Variants in PDE3A observed in about 807,000 individuals in gnomAD.
PDE3A encodes phosphodiesterase 3A, also known as cGMP-inhibited 3',5'-cyclic phosphodiesterase 3A.
In PDE3A, 43 loss-of-function variants were observed where a neutral mutation model predicts 98.3. The observed-to-expected ratio is 0.44, with a 90% CI of 0.34 to 0.56. The LOEUF is 0.56. Ranked by LOEUF, PDE3A falls within the 20% of genes least tolerant of loss-of-function variation. The probability of loss-of-function intolerance (pLI) is 0.01; values close to 1 mark genes in which losing one functional copy is unlikely to be tolerated. For synonymous variants in PDE3A, 663 were observed against 567.9 expected, an observed-to-expected ratio of 1.17 and a Z score of -2.38; for missense variants, 1,427 against 1,440.7, an observed-to-expected ratio of 0.99 and a Z score of 0.15.
chr12:20,612,249 T>TTATATA lies in PDE3A; in HGVS notation c.1012-1186_1012-1181dup, dbSNP rs10640777. ...TTAATTATAGTGGACATAAGTGGCT[T>TTATATA]TATATATATATATTGGTTATTTACA... is the stretch of plus-strand genomic sequence containing the variant. On this transcript the variant is annotated intron_variant, in intron 2 of 15. Transcript: ENST00000359062. Among the ~76,000 whole-genome samples the TTATATA allele has an allele frequency of 1.1e-4, 17 of 150,038 alleles. No individual in the cohort carries two copies. In the East Asian group the frequency reaches 2.2e-3, roughly 19 times the overall value.
chr12:20,550,796 C>A (rs1010837955), intron 1 of PDE3A, among the ~76,000 whole-genome samples: 5 of 151,868 alleles, frequency 3.3e-5, no homozygotes, highest in African/African-American at 1.2e-4. Context: ...GTGAACATTT[C>A]ACATGTTCTT....
chr12:20,546,185 A>G (rs997685544), intron 1 of PDE3A, among the ~76,000 whole-genome samples: 3 of 152,038 alleles, frequency 2.0e-5, no homozygotes, highest in Non-Finnish European at 4.4e-5. Context: ...AGGTCTTTCT[A>G]GATCCCAAAT....
chr12:20,496,166 C>G (rs564482076), intron 1 of PDE3A, among the ~76,000 whole-genome samples: 5 of 152,264 alleles, frequency 3.3e-5, no homozygotes, highest in African/African-American at 7.2e-5. Context: ...TGCACACTAT[C>G]TGTCTCATCA....
intron 1 of PDE3A, among the ~76,000 whole-genome samples, chr12:20,457,267 T>C (rs1176333982): frequency 6.6e-6 from 1 of 151,238 alleles, no homozygotes; most frequent in Non-Finnish European, 1.5e-5. Context: ...TATATTATTC[T>C]ATTCTAAATT....
chr12:20,389,712 A>C (rs1457017278), intron 1 of PDE3A, among the ~76,000 whole-genome samples: 1 of 151,944 alleles, frequency 6.6e-6, no homozygotes, highest in Admixed American at 6.6e-5. Context: ...CCAAGGGATA[A>C]ATACTTTGAA....
intron 1 of PDE3A, among the ~76,000 whole-genome samples, chr12:20,447,858 G>C (rs577598019): frequency 1.6e-4 from 24 of 152,282 alleles, no homozygotes; most frequent in African/African-American, 5.3e-4. Context: ...CATCTGAAGA[G>C]GGGGGCAGTC....
rs3058564 is a variant in PDE3A at position 20,384,184 on chromosome 12, A to ATTT, written c.960+13954_960+13956dup. On this transcript the variant is annotated intron_variant, in intron 1 of 15. Transcript: ENST00000359062. The stretch of plus-strand genomic sequence containing the variant: ...TTTAAAAATATCTGATTGGGTTGAC[A>ATTT]TTTTTTTTTTTTTTTTCTCTAATTT... 2.2e-5 allele frequency among the ~76,000 whole-genome samples: 3 copies of ATTT among 137,866 alleles called. No individual in the cohort carries two copies. The East Asian group carries it at 6.5e-4, about 30-fold the overall frequency. 90.4% of individuals were successfully genotyped at this position (137,866 alleles called of 152,430 possible). A position where few individuals can be genotyped will look rare whatever the true frequency, so the allele number is the denominator to read the frequency against.
chr12:20,464,340 C>T (rs1465769806), intron 1 of PDE3A, among the ~76,000 whole-genome samples: 1 of 152,130 alleles, frequency 6.6e-6, no homozygotes, highest in East Asian at 1.9e-4. Context: ...GTTATATTTA[C>T]TTAGAAAGCA....
chr12:20,621,875 A>G (rs887701794), intron 5 of PDE3A, among the ~76,000 whole-genome samples: 1 of 152,102 alleles, frequency 6.6e-6, no homozygotes, highest in African/African-American at 2.4e-5. Flanking sequence ...ATGAAATGAT[A>G]TCGGGGAAGA....
At chr12:20,486,366 A>C (rs1252117585) in intron 1 of PDE3A, among the ~76,000 whole-genome samples, 1 of 152,140 alleles carries the variant, frequency 6.6e-6, no homozygotes, top group Non-Finnish European at 1.5e-5. Context: ...CACTATCATG[A>C]GAATAGCATG....
chr12:20,588,228 T>G (rs1427009569), intron 2 of PDE3A, among the ~76,000 whole-genome samples: 1 of 152,208 alleles, frequency 6.6e-6, no homozygotes, highest in Non-Finnish European at 1.5e-5. Flanking sequence ...TTATTACAGC[T>G]GTCACATGGG....
At chr12:20,611,233 C>A (rs1336761036) in intron 2 of PDE3A, among the ~76,000 whole-genome samples, 7 of 20,602 alleles carry the variant, frequency 3.4e-4, no homozygotes, top group South Asian at 2.7e-3. Flanking sequence ...TAAAATTAAC[C>A]CTATAGATAC....
intron 5 of PDE3A, among the ~76,000 whole-genome samples, chr12:20,628,989 C>A (rs1291511428): frequency 6.6e-6 from 1 of 152,168 alleles, no homozygotes; most frequent in Non-Finnish European, 1.5e-5. Context: ...GAGAAATAGA[C>A]AACGACTTTT....
In PDE3A at chr12:20,552,306, C is replaced by T. The variant is rs1008427205; in HGVS notation, c.961-4354C>T. 7.4e-6 allele frequency: 12 copies of T among 1,613,824 alleles called. No homozygotes were observed. Among genetic ancestry groups the T allele is most frequent in the Admixed American group, 1.7e-5 (1 of 60,008 alleles). On this transcript the variant is annotated intron_variant, in intron 1 of 15. Transcript: ENST00000359062. The surrounding 1 kb of genome is among the most constrained non-coding windows in gnomAD (Gnocchi z 5.1). ...AGGGCAACCGCTACGATGGCATCTA[C>T]AAGGTTGTGAAATACTGGCCCGAGA... is the stretch of plus-strand genomic sequence containing the variant.
At chr12:20,647,457 A>G (rs1449325097) in intron 12 of PDE3A, among the ~76,000 whole-genome samples, 1 of 152,126 alleles carries the variant, frequency 6.6e-6, no homozygotes, top group African/African-American at 2.4e-5. Context: ...CATAGATTCC[A>G]AAAACAGTGA....
intron 1 of PDE3A, among the ~76,000 whole-genome samples, chr12:20,406,280 C>T (rs147866925): frequency 1.3e-5 from 2 of 152,254 alleles, no homozygotes; most frequent in East Asian, 3.9e-4. Flanking sequence ...TAGGGCAGTT[C>T]TGTTTTTAAG....
rs1183209014 is a variant in PDE3A at position 20,637,106 on chromosome 12, C to T, written c.2008C>T (p.Pro670Ser). 2 of 1,604,966 alleles carry T rather than the reference C, an allele frequency of 1.2e-6. No individual in the cohort carries two copies. The highest frequency in any genetic ancestry group is 1.7e-6 in the Non-Finnish European group (2 of 1,176,118). Residue 670 changes from proline to serine, a missense_variant, in exon 9 of 16, where the codon CCA becomes TCA. Physicochemically the swap from Pro to Ser is moderately conservative, Grantham distance 74. Coordinates refer to ENST00000359062, the MANE Select transcript of PDE3A (RefSeq NM_000921.5). The part of the protein sequence containing the change: ...APETMMFLDK[P>S]ILAPEPLVMD... ...TTAATGTTAAACATTACAGGACAAA[C>T]CAATTCTTGCTCCCGAACCTCTTGT...
intron 1 of PDE3A, among the ~76,000 whole-genome samples, chr12:20,444,855 A>G (rs528756708): frequency 2.6e-5 from 4 of 152,340 alleles, no homozygotes; most frequent in South Asian, 2.1e-4. Flanking sequence ...AGACTTGGAC[A>G]GTAATAGAAA....
rs1037327676 is a variant in PDE3A, at chr12:20,688,132, C to T, written c.*7861C>T. ...TTAACAATGTAATTCTTACCACTCT[C>T]GACAGACCTGAATATGTTTACTAAT... On this transcript the variant is annotated 3_prime_UTR_variant, in exon 16 of 16. Coordinates refer to ENST00000359062, the MANE Select transcript of PDE3A (RefSeq NM_000921.5). Among the ~76,000 whole-genome samples, 1 of 151,856 alleles carries T rather than the reference C, an allele frequency of 6.6e-6. No homozygotes were observed. The highest frequency in any genetic ancestry group is 1.5e-5 in the Non-Finnish European group (1 of 67,890).
Sources: gnomAD v4.1 joint callset for allele counts (sites outside exome capture counted in the v4.1 genomes callset) on GRCh38, gnomAD v4.1.1 for gene constraint, Gnocchi (gnomAD v3.1) non-coding constraint, MANE v1.5 for transcripts, NCBI Gene and HGNC (gene_info 2026-07-23, HGNC 2026-07-21) for gene names.